Variants in TMC1 observed in about 807,000 individuals in gnomAD.
TMC1 encodes transmembrane channel like 1, also known as transmembrane channel-like protein 1.
Under a neutral mutation model 105.8 loss-of-function variants are expected in TMC1, and 84 were observed. The observed-to-expected ratio is 0.79, with a 90% confidence interval of 0.67 to 0.95. The LOEUF (loss-of-function observed/expected upper bound fraction) is 0.95, where lower values mean the gene tolerates loss of function less well. Ranked by LOEUF, TMC1 falls within the 40% of genes least tolerant of loss-of-function variation. The pLI, the probability that TMC1 is intolerant of heterozygous loss-of-function variation, is 0.00. For missense variants in TMC1, 817 were observed against 914.1 expected (o/e 0.89, Z 1.37); for synonymous variants, 315 against 311.5 (o/e 1.01, Z -0.12).
chr9:72,577,683 T>C (rs779597097), intron 1 of TMC1: 1 of 148,106 alleles, frequency 6.8e-6, no homozygotes, highest in African/African-American at 2.5e-5. Flanking sequence ...TGACTCAGTG[T>C]TTTTTTTTTA....
intron 2 of TMC1, among the ~76,000 whole-genome samples, chr9:72,606,331 A>G (rs917995789): frequency 3.9e-5 from 6 of 152,176 alleles, no homozygotes; most frequent in Non-Finnish European, 7.3e-5. Context: ...GGGATAAGAG[A>G]GAGAGAATCC....
At chr9:72,814,293 A>G (rs925900666) in intron 18 of TMC1, among the ~76,000 whole-genome samples, 1 of 152,182 alleles carries the variant, frequency 6.6e-6, no homozygotes, top group South Asian at 2.1e-4. Flanking sequence ...CCAGGGGAAA[A>G]GTGCTGAAGA....
At chr9:72,785,206 GCCT>G in intron 13 of TMC1, among the ~76,000 whole-genome samples, 1 of 152,294 alleles carries the variant, frequency 6.6e-6, no homozygotes, top group East Asian at 1.9e-4. Context: ...CCCAGTGGAT[GCCT>G]AAAACTAAGG....
At chr9:72,706,778 C>CTTTT (rs370448287) in intron 8 of TMC1, among the ~76,000 whole-genome samples, 27 of 142,710 alleles carry the variant, frequency 1.9e-4, no homozygotes, top group African/African-American at 6.6e-4. Flanking sequence ...TTCTTTCTTT[C>CTTTT]TTTTTTTTTT....
chr9:72,551,486 C>G (rs910567587), intron 1 of TMC1, among the ~76,000 whole-genome samples: 1 of 152,164 alleles, frequency 6.6e-6, no homozygotes, highest in Non-Finnish European at 1.5e-5. Flanking sequence ...TCTCCTTCCC[C>G]CTGTTGAGTT....
intron 2 of TMC1, among the ~76,000 whole-genome samples, chr9:72,595,727 A>C (rs1028946258): frequency 2.7e-4 from 38 of 139,392 alleles, no homozygotes; most frequent in Admixed American, 1.2e-3. Flanking sequence ...CCCAGGCTGG[A>C]GTGCAGTGGT....
intron 8 of TMC1, among the ~76,000 whole-genome samples, chr9:72,721,151 C>T (rs1359762621): frequency 6.6e-6 from 1 of 152,200 alleles, no homozygotes; most frequent in Non-Finnish European, 1.5e-5. Context: ...TTAAGAAGCA[C>T]ATGCAGAAAA....
chr9:72,743,038 C>A (rs979411964), intron 10 of TMC1, among the ~76,000 whole-genome samples: 2 of 152,056 alleles, frequency 1.3e-5, no homozygotes, highest in Admixed American at 6.5e-5. Flanking sequence ...GAGTTCGAGA[C>A]CAGCCTGGCC....
At chr9:72,563,859 A>C (rs894127270) in intron 1 of TMC1, among the ~76,000 whole-genome samples, 2 of 127,530 alleles carry the variant, frequency 1.6e-5, no homozygotes, top group Non-Finnish European at 3.2e-5. Flanking sequence ...AGATCAAGTT[A>C]TTGCATTCCA....
chr9:72,789,000 A>T, intron 14 of TMC1, 123 bp from the exon 15 acceptor site: 2 of 962,714 alleles, frequency 2.1e-6, no homozygotes, highest in African/African-American at 1.6e-5. Context: ...GATTTAGTTT[A>T]CATTGTCATT....
chr9:72,572,400 G>T (rs1824304215), intron 1 of TMC1, among the ~76,000 whole-genome samples: 1 of 151,886 alleles, frequency 6.6e-6, no homozygotes, highest in African/African-American at 2.4e-5. Flanking sequence ...TTGTCATATT[G>T]GCCAGGCTGG....
intron 18 of TMC1, among the ~76,000 whole-genome samples, chr9:72,811,080 T>A (rs1366865655): frequency 6.6e-6 from 1 of 152,154 alleles, no homozygotes; most frequent in Non-Finnish European, 1.5e-5. Flanking sequence ...TGCATGTATT[T>A]AACATATGAA....
chr9:72,661,331 C>G (rs1160622053), intron 5 of TMC1, among the ~76,000 whole-genome samples: 1 of 152,220 alleles, frequency 6.6e-6, no homozygotes, highest in East Asian at 1.9e-4. Flanking sequence ...TTATACTTCT[C>G]AAGCAGCTGT....
At chr9:72,688,930 C>G (rs1826418013) in intron 6 of TMC1, among the ~76,000 whole-genome samples, 174 bp downstream of exon 6, 1 of 152,078 alleles carries the variant, frequency 6.6e-6, no homozygotes, top group Non-Finnish European at 1.5e-5. Context: ...ACTCTAGAGT[C>G]TATCCAGTTG....
intron 2 of TMC1, among the ~76,000 whole-genome samples, chr9:72,605,608 C>T (rs1468579815): frequency 7.0e-6 from 1 of 143,014 alleles, no homozygotes; most frequent in Non-Finnish European, 1.5e-5. Flanking sequence ...TGGAGTCTCA[C>T]TCTGACACCC....
intron 18 of TMC1, among the ~76,000 whole-genome samples, chr9:72,806,000 G>T (rs911517276): frequency 2.6e-5 from 4 of 151,894 alleles, no homozygotes; most frequent in Non-Finnish European, 5.9e-5. Flanking sequence ...CACCTTTCCC[G>T]CCTTTCTATT....
chr9:72,772,910 T>G (rs1353014417), intron 13 of TMC1, among the ~76,000 whole-genome samples: 1 of 151,976 alleles, frequency 6.6e-6, no homozygotes. Context: ...TGCAGAGAGG[T>G]TTGTAACTTG....
At position 72,742,364 on chromosome 9, in the gene TMC1, G is replaced by A. The variant is rs551241375; in HGVS notation, c.454-80G>A. 6.5e-6 allele frequency: 7 copies of A among 1,083,996 alleles called. No individual in the cohort carries two copies. The African/African-American group carries it at 7.7e-5, about 12-fold the overall frequency. The allele number at this position is 1,083,996 out of a possible 1,614,324, so 67.1% of individuals were successfully genotyped here. The stretch of plus-strand genomic sequence containing the variant: ...GAGACATTTCCAAGCTTACTGCATT[G>A]TAATGTTTTGAGGTGGGGGATAAAC... On this transcript the variant is annotated intron_variant, in intron 9 of 23. Coordinates refer to ENST00000297784, the MANE Select transcript of TMC1 (RefSeq NM_138691.3).
chr9:72,807,090 C>T (rs34412645), intron 18 of TMC1, among the ~76,000 whole-genome samples: 10,231 of 152,286 alleles, frequency 0.067, 400 homozygotes, highest in African/African-American at 0.1. Flanking sequence ...AGCGAAACCC[C>T]GTCTCCACCA....
Sources: gnomAD v4.1 joint callset for allele counts (sites outside exome capture counted in the v4.1 genomes callset) on GRCh38, gnomAD v4.1.1 for gene constraint, MANE v1.5 for transcripts, NCBI Gene and HGNC (gene_info 2026-07-23, HGNC 2026-07-21) for gene names.